PPM1L: variants seen among roughly 807,000 people sequenced by gnomAD.
The protein encoded by PPM1L is protein phosphatase 1L.
In PPM1L, 13 loss-of-function variants were observed where a neutral mutation model predicts 31.4. That is an observed-to-expected ratio of 0.41 (90% CI 0.27 to 0.66). PPM1L has a LOEUF of 0.66. Among genes scored for constraint, PPM1L ranks in the 30% least tolerant of loss-of-function variants. The pLI, the probability that PPM1L is intolerant of heterozygous loss-of-function variation, is 0.29. For missense variants in PPM1L, 326 were observed against 453.7 expected, an observed-to-expected ratio of 0.72 and a Z score of 2.56; for synonymous variants, 184 against 175.4, an observed-to-expected ratio of 1.05 and a Z score of -0.39.
At chr3:160,950,654 T>C (rs925652406) in intron 1 of PPM1L, among the ~76,000 whole-genome samples, 1 of 152,326 alleles carries the variant, frequency 6.6e-6, no homozygotes. Context: ...TAAGGCCCAG[T>C]AGGAGATCTC....
At position 161,077,236 on chromosome 3, in the gene PPM1L, GAATTTCTTGCC is replaced by G. The variant is rs1179634673; in HGVS notation, c.*8082_*8092del. On this transcript the variant is annotated 3_prime_UTR_variant, in exon 4 of 4. Coordinates refer to ENST00000498165, the MANE Select transcript of PPM1L (RefSeq NM_139245.4). ...ATAAGAGTAAGTGATATGAGATTGG[GAATTTCTTGCC>G]AACACTCAAGCAAACTGCAGAAGAT... The G allele has an allele frequency of 6.6e-6, 1 of 152,132 alleles. No homozygotes were observed. Among genetic ancestry groups the G allele is most frequent in the East Asian group, 1.9e-4 (1 of 5,192 alleles). The allele number at this position is 152,132 out of a possible 1,614,324, so 9.4% of individuals were successfully genotyped here.
intron 1 of PPM1L, among the ~76,000 whole-genome samples, chr3:160,906,629 A>AAGAAAAGAAAAGAACAGAAC (rs1553820142): frequency 7.0e-6 from 1 of 141,938 alleles, no homozygotes; most frequent in African/African-American, 2.6e-5. Context: ...AAGAAAAGAA[A>AAGAAAAGAAAAGAACAGAAC]AGAACCCAGG....
intron 1 of PPM1L, among the ~76,000 whole-genome samples, chr3:160,834,227 G>T (rs1283012411): frequency 6.6e-6 from 1 of 151,920 alleles, no homozygotes; most frequent in Admixed American, 6.6e-5. Context: ...GTTTCACTGT[G>T]TTAGCCAGGG....
At position 160,959,927 on chromosome 3, in the gene PPM1L, C is replaced by A. The variant is rs576728316; in HGVS notation, c.400-1809C>A. On this transcript the variant is annotated intron_variant, in intron 1 of 3. Transcript: ENST00000498165. ...TGCCTATATGATAATGCTAAATACACTATATATATATGTGTTGCTTAATTA... is the reference window on the plus strand; with the variant it reads ...TGCCTATATGATAATGCTAAATACAATATATATATATGTGTTGCTTAATTA... 3.3e-5 allele frequency among the ~76,000 whole-genome samples: 5 copies of A among 151,996 alleles called. No individual in the cohort carries two copies. The East Asian group carries it at 7.7e-4, about 23-fold the overall frequency.
intron 2 of PPM1L, among the ~76,000 whole-genome samples, chr3:160,999,731 A>G (rs1717423280): frequency 6.6e-6 from 1 of 152,272 alleles, no homozygotes; most frequent in East Asian, 1.9e-4. Context: ...CAAGTTTACA[A>G]TGCCAGTATC....
intron 1 of PPM1L, among the ~76,000 whole-genome samples, chr3:160,802,301 G>A (rs775570476): frequency 5.9e-5 from 9 of 152,320 alleles, no homozygotes; most frequent in Non-Finnish European, 1.0e-4. Flanking sequence ...ACCTGGTCAT[G>A]TAATTAGGAG....
chr3:160,912,112 T>C (rs546200755), intron 1 of PPM1L, among the ~76,000 whole-genome samples: 20 of 152,156 alleles, frequency 1.3e-4, no homozygotes, highest in African/African-American at 4.8e-4. Context: ...AAATGTGTGG[T>C]TTTGATGAGG....
Position 160,799,625 on chromosome 3 carries a change from A to G in PPM1L, c.399+42918A>G, listed in dbSNP as rs138466672. Among the ~76,000 whole-genome samples the G allele has an allele frequency of 5.7e-4, 87 of 152,300 alleles. No homozygotes were observed. In the East Asian group the frequency reaches 0.012, roughly 22 times the overall value. On this transcript the variant is annotated intron_variant, in intron 1 of 3. Coordinates refer to ENST00000498165, the MANE Select transcript of PPM1L (RefSeq NM_139245.4). ...GCTTTATTGTGTTGGTCTGTAACCAAAACCTCAGTATCTTTGAGACATGCC... is the reference window on the plus strand; with the variant it reads ...GCTTTATTGTGTTGGTCTGTAACCAGAACCTCAGTATCTTTGAGACATGCC...
Position 160,922,144 on chromosome 3 carries a change from G to A in PPM1L, c.400-39592G>A, listed in dbSNP as rs12634375. Among the ~76,000 whole-genome samples, 346 of 151,882 alleles carry A rather than the reference G, an allele frequency of 2.3e-3. 5 individuals carry two copies. The East Asian group carries it at 0.028, about 12-fold the overall frequency. On this transcript the variant is annotated intron_variant, in intron 1 of 3. Coordinates refer to ENST00000498165, the MANE Select transcript of PPM1L (RefSeq NM_139245.4). ...GCTAACACGGTGAAACCCCATCTCT[G>A]CTAAAAATACAAAAAATTAGCCGGG...
At chr3:160,826,004 T>C (rs1468348335) in intron 1 of PPM1L, among the ~76,000 whole-genome samples, 3 of 152,156 alleles carry the variant, frequency 2.0e-5, no homozygotes, top group Non-Finnish European at 4.4e-5. Flanking sequence ...TGCTCCTCAT[T>C]GCCTAGCTGA....
rs1227850416 is a variant in PPM1L, at chr3:160,976,169, A to G, written c.574+14259A>G. Among the ~76,000 whole-genome samples, 28 of 107,804 alleles carry G rather than the reference A, an allele frequency of 2.6e-4. 4 individuals carry two copies. Among genetic ancestry groups the G allele is most frequent in the African/African-American group, 9.8e-4 (25 of 25,638 alleles). The allele number at this position is 107,804 out of a possible 152,430, so 70.7% of individuals were successfully genotyped here. Reference sequence around the variant, plus strand: ...GTCTTTGGCTCTGTTTATATGCTGGATTACATTTATTGATTTGCATATATT... The same window carrying G: ...GTCTTTGGCTCTGTTTATATGCTGGGTTACATTTATTGATTTGCATATATT... On this transcript the variant is annotated intron_variant, in intron 2 of 3. Coordinates refer to ENST00000498165, the MANE Select transcript of PPM1L (RefSeq NM_139245.4).
At chr3:160,946,225 A>T (rs1459399502) in intron 1 of PPM1L, among the ~76,000 whole-genome samples, 2 of 152,156 alleles carry the variant, frequency 1.3e-5, no homozygotes, top group African/African-American at 2.4e-5. Flanking sequence ...CCTACATAAA[A>T]TATTTATGAA....
intron 1 of PPM1L, among the ~76,000 whole-genome samples, chr3:160,802,681 G>C (rs887503832): frequency 6.6e-6 from 1 of 152,124 alleles, no homozygotes. Context: ...GCCTAATAAA[G>C]TTATACTAGG....
chr3:160,961,664 C>T, intron 1 of PPM1L, 72 bp from the exon 2 acceptor site: 1 of 1,369,260 alleles, frequency 7.3e-7, no homozygotes, highest in Non-Finnish European at 9.8e-7. Context: ...TCTATAGCAC[C>T]TGAGGGTAAG....
chr3:160,757,043 G>A (rs1714829316), intron 1 of PPM1L, among the ~76,000 whole-genome samples: 1 of 152,192 alleles, frequency 6.6e-6, no homozygotes, highest in African/African-American at 2.4e-5. Flanking sequence ...GAGAATTAAT[G>A]GTATCTCCAG....
intron 1 of PPM1L, among the ~76,000 whole-genome samples, chr3:160,834,916 A>G (rs951152379): frequency 1.3e-5 from 2 of 152,128 alleles, no homozygotes; most frequent in African/African-American, 2.4e-5. Flanking sequence ...TAGTGTCGAC[A>G]TAGGTTTTTT....
At chr3:160,931,495 A>C (rs1405875279) in intron 1 of PPM1L, among the ~76,000 whole-genome samples, 1 of 152,230 alleles carries the variant, frequency 6.6e-6, no homozygotes, top group South Asian at 2.1e-4. Context: ...AGAGTTTGCT[A>C]TCTAATGGGG....
intron 1 of PPM1L, among the ~76,000 whole-genome samples, chr3:160,921,901 A>G (rs1409494140): frequency 6.6e-6 from 1 of 152,188 alleles, no homozygotes; most frequent in Non-Finnish European, 1.5e-5. Context: ...GCAGAGACCC[A>G]GAGCACTTTG....
chr3:161,002,578 C>A, intron 2 of PPM1L, among the ~76,000 whole-genome samples: 1 of 149,984 alleles, frequency 6.7e-6, no homozygotes, highest in East Asian at 2.0e-4. Flanking sequence ...TTGCATTTCT[C>A]TGATAGCCAG....
Sources: allele counts gnomAD v4.1 joint callset (sites outside exome capture counted in the v4.1 genomes callset), GRCh38; gene constraint gnomAD v4.1.1; transcripts MANE v1.5; gene names NCBI Gene and HGNC (gene_info 2026-07-23, HGNC 2026-07-21).